The following PTPRK variants were observed in gnomAD, a reference collection of about 807,000 sequenced individuals.
PTPRK encodes the protein protein tyrosine phosphatase receptor type K.
In PTPRK, 75 loss-of-function variants were observed where a neutral mutation model predicts 178.0. The observed-to-expected ratio is 0.42, with a 90% CI of 0.35 to 0.51. PTPRK has a LOEUF of 0.51. Ranked by LOEUF, PTPRK falls within the 20% of genes least tolerant of loss-of-function variation. PTPRK has a pLI of 0.02. For missense variants in PTPRK, 1,441 were observed against 1,797.8 expected, an observed-to-expected ratio of 0.80 and a Z score of 3.59; for synonymous variants, 637 against 620.6, an observed-to-expected ratio of 1.03 and a Z score of -0.39.
At chr6:128,345,258 CT>C (rs948134928) in intron 2 of PTPRK, among the ~76,000 whole-genome samples, 3 of 151,740 alleles carry the variant, frequency 2.0e-5, no homozygotes, top group Admixed American at 6.6e-5. Context: ...GAATATATAT[CT>C]TTTTTTTGGT....
At chr6:128,428,811 C>A (rs1844485774) in intron 1 of PTPRK, among the ~76,000 whole-genome samples, 3 of 152,148 alleles carry the variant, frequency 2.0e-5, no homozygotes. Flanking sequence ...CCTTAGAGTA[C>A]CCATACAGCC....
At chr6:128,326,794 T>G (rs1344126829) in intron 2 of PTPRK, among the ~76,000 whole-genome samples, 2 of 152,122 alleles carry the variant, frequency 1.3e-5, no homozygotes. Context: ...ATATGTACAG[T>G]TTCTGAGAGT....
chr6:127,990,616 T>C (rs1348563342), intron 21 of PTPRK, among the ~76,000 whole-genome samples, 153 bp downstream of exon 21: 1 of 152,126 alleles, frequency 6.6e-6, no homozygotes, highest in Non-Finnish European at 1.5e-5. Flanking sequence ...TAGAAACATG[T>C]CTGGCACATA....
intron 1 of PTPRK, among the ~76,000 whole-genome samples, chr6:128,422,113 A>C (rs1276292510): frequency 6.6e-6 from 1 of 152,196 alleles, no homozygotes; most frequent in Non-Finnish European, 1.5e-5. Flanking sequence ...GGTTATGTTT[A>C]ATTTTTCATG....
chr6:128,374,177 T>C (rs549696778), intron 2 of PTPRK, among the ~76,000 whole-genome samples: 124 of 152,330 alleles, frequency 8.1e-4, no homozygotes, highest in Non-Finnish European at 1.4e-3. Flanking sequence ...ATTCCTCTGA[T>C]GGCACAGTCC....
chr6:128,445,683 T>G, intron 1 of PTPRK, among the ~76,000 whole-genome samples: 1 of 152,150 alleles, frequency 6.6e-6, no homozygotes, highest in Non-Finnish European at 1.5e-5. Context: ...TTTTAAATGT[T>G]TTGAGTTTTC....
chr6:128,023,433 A>G (rs1349134831), intron 13 of PTPRK, among the ~76,000 whole-genome samples: 2 of 150,984 alleles, frequency 1.3e-5, no homozygotes, highest in South Asian at 2.1e-4. Flanking sequence ...AACTTTCTCA[A>G]CTCTCCTTCT....
intron 13 of PTPRK, among the ~76,000 whole-genome samples, chr6:128,060,570 G>A (rs1780639436): frequency 6.6e-6 from 1 of 152,076 alleles, no homozygotes; most frequent in Non-Finnish European, 1.5e-5. Context: ...TACCAGGAAA[G>A]CAAAGAAGCT....
chr6:128,078,761 G>T, intron 11 of PTPRK, 52 bp downstream of exon 11: 2 of 1,330,034 alleles, frequency 1.5e-6, no homozygotes, highest in Non-Finnish European at 2.1e-6. Flanking sequence ...GGGCATCTTG[G>T]GATGTACATA....
chr6:128,073,999 G>A (rs1783310396), intron 11 of PTPRK, among the ~76,000 whole-genome samples: 1 of 151,962 alleles, frequency 6.6e-6, no homozygotes, highest in African/African-American at 2.4e-5. Context: ...GATGAGGATA[G>A]CCCCAGATTT....
At position 127,998,879 on chromosome 6, in the gene PTPRK, C is replaced by A; in HGVS notation, c.2520G>T (p.Glu840Asp). 2 of 1,578,468 alleles carry A rather than the reference C, an allele frequency of 1.3e-6. No individual in the cohort carries two copies. The highest frequency in any genetic ancestry group is 1.7e-6 in the Non-Finnish European group (2 of 1,159,412). ...GAGGTACGTCTAGAAGGCGACTGGACTCTGCTGTAGCACTGTGGTTCTCAT... is the reference window on the plus strand; with the variant it reads ...GAGGTACGTCTAGAAGGCGACTGGAATCTGCTGTAGCACTGTGGTTCTCAT... ...PRYENHSATA[E>D]SSRLLDVPRY... Residue 840 changes from glutamate (E) to aspartate (D), a missense_variant, in exon 16 of 30, where the codon GAG (glutamate) becomes GAT (aspartate). This residue lies in a region of PTPRK where 945 missense variants were observed against 1,080.6 expected (regional missense o/e 0.87). Coordinates refer to ENST00000368226, the MANE Select transcript of PTPRK (RefSeq NM_002844.4).
intron 1 of PTPRK, among the ~76,000 whole-genome samples, chr6:128,431,914 T>A (rs1374526455): frequency 2.0e-5 from 3 of 152,102 alleles, no homozygotes; most frequent in Non-Finnish European, 2.9e-5. Context: ...CACCTCCAAC[T>A]TTTTTAGACA....
chr6:128,158,359 T>C (rs947030344), intron 7 of PTPRK, among the ~76,000 whole-genome samples: 3 of 152,004 alleles, frequency 2.0e-5, no homozygotes, highest in Non-Finnish European at 4.4e-5. Context: ...TGTATACATA[T>C]GTAACAAACC....
chr6:128,175,839 C>A (rs1041221243), intron 7 of PTPRK, among the ~76,000 whole-genome samples: 7 of 151,730 alleles, frequency 4.6e-5, no homozygotes, highest in Non-Finnish European at 8.8e-5. Flanking sequence ...CAAGGGCCCT[C>A]CAAAGAAATC....
intron 2 of PTPRK, among the ~76,000 whole-genome samples, chr6:128,342,168 G>A (rs1381676230): frequency 2.6e-5 from 4 of 151,938 alleles, no homozygotes; most frequent in African/African-American, 9.7e-5. Flanking sequence ...CAGAAGAATC[G>A]TCTGAGCCCG....
chr6:128,251,039 A>G (rs1816379081), intron 3 of PTPRK, among the ~76,000 whole-genome samples: 1 of 152,188 alleles, frequency 6.6e-6, no homozygotes, highest in Non-Finnish European at 1.5e-5. Flanking sequence ...GTAATAGTCC[A>G]CTTCTAAGAG....
intron 13 of PTPRK, among the ~76,000 whole-genome samples, chr6:128,043,232 AG>A (rs1220863274): frequency 6.6e-6 from 1 of 152,044 alleles, no homozygotes; most frequent in Non-Finnish European, 1.5e-5. Flanking sequence ...ATATGAAAAT[AG>A]GGATTGAACA....
chr6:128,493,998 C>T (rs1854293062), intron 1 of PTPRK, among the ~76,000 whole-genome samples: 1 of 152,144 alleles, frequency 6.6e-6, no homozygotes, highest in Admixed American at 6.5e-5. Context: ...AGTGCTGGTA[C>T]ACACTAGTGG....
chr6:128,115,178 T>C (rs1397858053), intron 7 of PTPRK, among the ~76,000 whole-genome samples: 4 of 152,044 alleles, frequency 2.6e-5, no homozygotes, highest in Admixed American at 2.6e-4. Context: ...CATACAGGTC[T>C]CCAGCCAGCC....
Sources: allele counts gnomAD v4.1 joint callset (sites outside exome capture counted in the v4.1 genomes callset), GRCh38; gene constraint gnomAD v4.1.1; regional missense constraint gnomAD v4.1.1; transcripts MANE v1.5; gene names NCBI Gene and HGNC (gene_info 2026-07-23, HGNC 2026-07-21).